Variants in NCAM1 observed in about 807,000 individuals in gnomAD.
The protein encoded by NCAM1 is antigen recognized by monoclonal antibody 5.1H11.
In NCAM1, 14 loss-of-function variants were observed where a neutral mutation model predicts 109.8. That is an observed-to-expected ratio of 0.13 (90% confidence interval 0.08 to 0.20). The LOEUF is 0.20. NCAM1 is among the 10% of genes least tolerant of loss of function. The pLI, the probability that NCAM1 is intolerant of heterozygous loss-of-function variation, is 1.00. For synonymous variants in NCAM1, 418 were observed against 442.9 expected, an observed-to-expected ratio of 0.94 and a Z score of 0.70; for missense variants, 774 against 1,109.9, an observed-to-expected ratio of 0.70 and a Z score of 4.30.
intron 1 of NCAM1, among the ~76,000 whole-genome samples, chr11:113,193,238 G>A (rs1943742057): frequency 6.6e-6 from 1 of 152,192 alleles, no homozygotes; most frequent in African/African-American, 2.4e-5. Flanking sequence ...AGTTAGGCGG[G>A]AGTCTCTCCT....
At position 112,961,669 on chromosome 11, in the gene NCAM1, A is replaced by ATTT. The variant is rs782014579; in HGVS notation, c.52+17_52+19dup. The ATTT allele has an allele frequency of 5.8e-6, 7 of 1,211,272 alleles. No homozygotes were observed. The African/African-American group carries it at 6.4e-5, about 11-fold the overall frequency. 75.0% of individuals were successfully genotyped at this position (1,211,272 alleles called of 1,614,324 possible). A position where few individuals can be genotyped will look rare whatever the true frequency, so the allele number is the denominator to read the frequency against. On this transcript the variant is annotated splice_donor_region_variant and intron_variant, in intron 1 of 19. Transcript: ENST00000316851. Reference sequence around the variant, plus strand: ...TGTTTTTCCTGGGAACTGCAGGTACATTTTTTTTTTTTTTAATTCTCAATC... The same window carrying ATTT: ...TGTTTTTCCTGGGAACTGCAGGTACATTTTTTTTTTTTTTTTTAATTCTCAATC...
intron 9 of NCAM1, among the ~76,000 whole-genome samples, chr11:113,226,325 A>G (rs1196882567): frequency 1.3e-5 from 2 of 152,238 alleles, no homozygotes; most frequent in African/African-American, 4.8e-5. Flanking sequence ...AGATCAAAAG[A>G]GACAAAGAAG....
At chr11:113,219,312 G>T (rs185003028) in intron 8 of NCAM1, among the ~76,000 whole-genome samples, 1 of 152,166 alleles carries the variant, frequency 6.6e-6, no homozygotes, top group Non-Finnish European at 1.5e-5. Context: ...CCCAGGGCCC[G>T]CTTTTAAACA....
chr11:113,220,598 C>CTTTTTTTTTTTTTT (rs1565508438), intron 8 of NCAM1, among the ~76,000 whole-genome samples: 1 of 105,654 alleles, frequency 9.5e-6, no homozygotes, highest in Admixed American at 9.0e-5. Flanking sequence ...CTCTCTCTCT[C>CTTTTTTTTTTTTTT]TCTCTTTTTT....
chr11:113,074,788 T>G (rs1352683358), intron 1 of NCAM1, among the ~76,000 whole-genome samples: 2 of 151,856 alleles, frequency 1.3e-5, no homozygotes, highest in African/African-American at 4.8e-5. Flanking sequence ...CATGCCACCA[T>G]GCCTGGCTAA....
chr11:113,081,975 A>G (rs554011437), intron 1 of NCAM1, among the ~76,000 whole-genome samples: 1 of 152,344 alleles, frequency 6.6e-6, no homozygotes, highest in African/African-American at 2.4e-5. Flanking sequence ...ACAAATATAC[A>G]CACATTCTCT....
chr11:113,097,095 A>G (rs1939635773), intron 1 of NCAM1, among the ~76,000 whole-genome samples: 1 of 152,140 alleles, frequency 6.6e-6, no homozygotes, highest in East Asian at 1.9e-4. Flanking sequence ...TCTCCATTTT[A>G]TGTGGGACCA....
chr11:113,173,959 G>A (rs1555106659), intron 1 of NCAM1, among the ~76,000 whole-genome samples: 1 of 151,542 alleles, frequency 6.6e-6, no homozygotes. Context: ...TAGCCCTAAT[G>A]AATGTGCTTG....
chr11:112,992,849 T>C (rs953653076), intron 1 of NCAM1, among the ~76,000 whole-genome samples: 9 of 152,332 alleles, frequency 5.9e-5, no homozygotes, highest in African/African-American at 9.6e-5. Flanking sequence ...AAATATTTCA[T>C]ATTAATGTAT....
intron 1 of NCAM1, among the ~76,000 whole-genome samples, chr11:113,168,019 A>T (rs1942863992): frequency 6.6e-6 from 1 of 152,244 alleles, no homozygotes; most frequent in Non-Finnish European, 1.5e-5. Flanking sequence ...TTCTGAAGCC[A>T]GAATTTCACA....
rs1946215327 is a variant in NCAM1 at position 113,269,344 on chromosome 11, C to A, written c.2132-844C>A. 2.0e-5 allele frequency among the ~76,000 whole-genome samples: 3 copies of A among 152,282 alleles called. No homozygotes were observed. In the South Asian group the frequency reaches 6.2e-4, roughly 32 times the overall value. On this transcript the variant is annotated intron_variant, in intron 17 of 19. Coordinates refer to ENST00000316851, the MANE Select transcript of NCAM1 (RefSeq NM_181351.5). Reference sequence around the variant, plus strand: ...AGTGAGTCCAGCCAGAACCAGGGTGCCAGGTGCTAGAATGTGAGAGTGCAT... The same window carrying A: ...AGTGAGTCCAGCCAGAACCAGGGTGACAGGTGCTAGAATGTGAGAGTGCAT...
intron 9 of NCAM1, among the ~76,000 whole-genome samples, chr11:113,225,617 A>G (rs1166035471): frequency 7.0e-6 from 1 of 142,614 alleles, no homozygotes; most frequent in Non-Finnish European, 1.5e-5. Flanking sequence ...GACAACTCCA[A>G]GACACTTAAT....
chr11:113,099,611 T>C (rs7946458), intron 1 of NCAM1, among the ~76,000 whole-genome samples: 11,121 of 152,282 alleles, frequency 0.073, 777 homozygotes, highest in Admixed American at 0.17. Context: ...CAAAGCCATC[T>C]TTAGCAAAGA....
intron 1 of NCAM1, among the ~76,000 whole-genome samples, chr11:113,198,472 A>G (rs1943924999): frequency 6.6e-6 from 1 of 151,954 alleles, no homozygotes; most frequent in Admixed American, 6.6e-5. Context: ...CCCGGGTTCA[A>G]GCAATTCTCC....
At chr11:113,202,564 T>A (rs1292381099) in intron 2 of NCAM1, 111 bp downstream of exon 2, 1 of 920,460 alleles carries the variant, frequency 1.1e-6, no homozygotes, top group East Asian at 2.7e-5. Context: ...CCTAGAATTC[T>A]TGGCATTGCT....
intron 1 of NCAM1, among the ~76,000 whole-genome samples, chr11:113,118,507 G>A (rs1940806924): frequency 6.6e-6 from 1 of 151,910 alleles, no homozygotes; most frequent in Non-Finnish European, 1.5e-5. Context: ...AATGAAAAGG[G>A]GAGCCTGGAC....
chr11:113,231,905 G>A lies in NCAM1; in HGVS notation c.1240+110G>A, dbSNP rs191331895. 821 of 1,406,010 alleles carry A rather than the reference G, an allele frequency of 5.8e-4. 1 individual carries two copies. In the African/African-American group the frequency reaches 9.9e-3, roughly 17 times the overall value. The allele number at this position is 1,406,010 out of a possible 1,614,324, so 87.1% of individuals were successfully genotyped here. ...TGTGCACCCTGTGTGTTCTGCTTAC[G>A]TTCCCTGCAGCTGACCCTGGGCTAT... is the stretch of plus-strand genomic sequence containing the variant. On this transcript the variant is annotated intron_variant, in intron 10 of 19. Coordinates refer to ENST00000316851, the MANE Select transcript of NCAM1 (RefSeq NM_181351.5).
intron 1 of NCAM1, among the ~76,000 whole-genome samples, chr11:113,041,900 C>T (rs1399267058): frequency 6.6e-6 from 1 of 152,170 alleles, no homozygotes; most frequent in African/African-American, 2.4e-5. Flanking sequence ...GAGGAAGAAA[C>T]AGTGCTCTGA....
chr11:113,077,788 G>A (rs936558953), intron 1 of NCAM1, among the ~76,000 whole-genome samples: 1 of 151,836 alleles, frequency 6.6e-6, no homozygotes, highest in Non-Finnish European at 1.5e-5. Context: ...CTGGGTTCAA[G>A]TGATTCTCCT....
Sources: allele counts gnomAD v4.1 joint callset (sites outside exome capture counted in the v4.1 genomes callset), GRCh38; gene constraint gnomAD v4.1.1; transcripts MANE v1.5; gene names NCBI Gene and HGNC (gene_info 2026-07-23, HGNC 2026-07-21).